The following CNTN6 variants were observed in gnomAD, a reference collection of about 807,000 sequenced individuals.
The protein encoded by CNTN6 is contactin 6.
Under a neutral mutation model 122.8 loss-of-function variants are expected in CNTN6, and 137 were observed. The observed-to-expected ratio is 1.12, with a 90% CI of 0.97 to 1.29. CNTN6 has a LOEUF of 1.29. CNTN6 is among the 50% of genes most tolerant of loss of function. The pLI is 0.00. For synonymous variants in CNTN6, 570 were observed against 426.0 expected (o/e 1.34, Z -4.16); for missense variants, 1,634 against 1,223.4 (o/e 1.34, Z -5.01).
chr3:1,216,592 T>C (rs1295788055), intron 2 of CNTN6, among the ~76,000 whole-genome samples: 1 of 152,182 alleles, frequency 6.6e-6, no homozygotes, highest in African/African-American at 2.4e-5. Context: ...CACTAAAATA[T>C]ATGACATAGC....
rs184379443 is a variant in CNTN6 at position 1,329,912 on chromosome 3, G to A, written c.1341G>A (p.Thr447=). ...CAGCTATCTCTTGGAAAAGAGGAAC[G>A]GAGACCCTTAGACAAAGCAAAAGGT... ...PRAAISWKRG[T]ETLRQSKRIF... The change falls in exon 11 of 23, where the codon ACG becomes ACA. Residue 447 remains threonine (T), a synonymous_variant. Transcript: ENST00000446702. 8.7e-5 allele frequency: 140 copies of A among 1,609,168 alleles called. No individual in the cohort carries two copies. Among genetic ancestry groups the A allele is most frequent in the East Asian group, 1.3e-4 (6 of 44,572 alleles).
intron 11 of CNTN6, among the ~76,000 whole-genome samples, chr3:1,350,249 T>G (rs1489031811): frequency 1.3e-5 from 2 of 151,744 alleles, no homozygotes; most frequent in East Asian, 3.9e-4. Flanking sequence ...AGACCACATT[T>G]TGAGGAGTAA....
chr3:1,298,048 A>G, intron 7 of CNTN6, 57 bp downstream of exon 7: 1 of 1,307,886 alleles, frequency 7.6e-7, no homozygotes, highest in Non-Finnish European at 1.1e-6. Context: ...TTTTTATTAA[A>G]AACCTTTTTG....
At chr3:1,367,811 A>T (rs1708457289) in intron 12 of CNTN6, among the ~76,000 whole-genome samples, 1 of 152,150 alleles carries the variant, frequency 6.6e-6, no homozygotes, top group African/African-American at 2.4e-5. Flanking sequence ...TAATGGTGGT[A>T]GCAGCCATAG....
chr3:1,113,859 CA>C (rs2091594704), intron 1 of CNTN6, among the ~76,000 whole-genome samples: 2 of 964 alleles, frequency 2.1e-3, no homozygotes, highest in African/African-American at 0.034. Context: ...TAAATACTCT[CA>C]CTCACTCAAA....
At chr3:1,339,865 T>G (rs1266778436) in intron 11 of CNTN6, among the ~76,000 whole-genome samples, 1 of 152,170 alleles carries the variant, frequency 6.6e-6, no homozygotes, top group Non-Finnish European at 1.5e-5. Flanking sequence ...AACATATATT[T>G]TAATTCTATC....
chr3:1,339,946 A>G (rs1703643843), intron 11 of CNTN6, among the ~76,000 whole-genome samples: 1 of 152,188 alleles, frequency 6.6e-6, no homozygotes, highest in South Asian at 2.1e-4. Context: ...TCATTATATA[A>G]GAATAATAAT....
At chr3:1,356,162 A>G (rs1706521517) in intron 12 of CNTN6, among the ~76,000 whole-genome samples, 1 of 151,826 alleles carries the variant, frequency 6.6e-6, no homozygotes, top group Non-Finnish European at 1.5e-5. Context: ...ACATAAAAGG[A>G]GAAATTATTT....
At position 1,148,062 on chromosome 3, in the gene CNTN6, A is replaced by G; in HGVS notation, c.54A>G (p.Ala18=). 6.2e-7 allele frequency: 1 copy of G among 1,604,970 alleles called. No individual in the cohort carries two copies. Among genetic ancestry groups the G allele is most frequent in the Non-Finnish European group, 8.5e-7 (1 of 1,172,856 alleles). ...VILLPLINSS[A]GDGLLSRPIF... is the part of the protein sequence containing the mutation. ...TGCTGCCACTCATAAACTCTTCTGC[A>G]GGTAAAGTGTTCTATTATTATAAGT... The change falls in exon 2 of 23, where the codon GCA becomes GCG. Residue 18 remains alanine (A), a splice_region_variant and synonymous_variant. Coordinates refer to ENST00000446702, the MANE Select transcript of CNTN6 (RefSeq NM_001289080.2).
intron 1 of CNTN6, among the ~76,000 whole-genome samples, chr3:1,131,555 A>C (rs1431498178): frequency 6.6e-6 from 1 of 152,122 alleles, no homozygotes; most frequent in Non-Finnish European, 1.5e-5. Context: ...CACTAAACTC[A>C]AGTGAAGTTA....
intron 12 of CNTN6, among the ~76,000 whole-genome samples, chr3:1,367,850 C>T (rs898814470): frequency 2.6e-5 from 4 of 152,062 alleles, no homozygotes; most frequent in Admixed American, 2.6e-4. Flanking sequence ...GCAAAGGCTG[C>T]AGGAAGCGAC....
intron 2 of CNTN6, among the ~76,000 whole-genome samples, chr3:1,153,169 C>T (rs1407812099): frequency 6.6e-6 from 1 of 152,034 alleles, no homozygotes; most frequent in African/African-American, 2.4e-5. Context: ...TTGGTTAGTC[C>T]TGAAGAAGTA....
intron 3 of CNTN6, among the ~76,000 whole-genome samples, chr3:1,222,386 C>T (rs2094218905): frequency 6.6e-6 from 1 of 152,174 alleles, no homozygotes; most frequent in Admixed American, 6.5e-5. Context: ...CTAGGTTGAT[C>T]CTAGGGGTTA....
At chr3:1,311,349 CTTTA>C (rs1284690049) in intron 7 of CNTN6, among the ~76,000 whole-genome samples, 6 of 122,500 alleles carry the variant, frequency 4.9e-5, no homozygotes, top group African/African-American at 1.4e-4. Context: ...TATAAAATGT[CTTTA>C]TATGTACATA....
chr3:1,395,380 G>A (rs944139134), intron 20 of CNTN6, among the ~76,000 whole-genome samples: 1 of 152,114 alleles, frequency 6.6e-6, no homozygotes, highest in African/African-American at 2.4e-5. Context: ...CACTAGCTTT[G>A]GAAGCTCCAA....
At chr3:1,139,798 G>A (rs1286212575) in intron 1 of CNTN6, among the ~76,000 whole-genome samples, 1 of 152,152 alleles carries the variant, frequency 6.6e-6, no homozygotes, top group Non-Finnish European at 1.5e-5. Flanking sequence ...AGCTGGATTG[G>A]TTACAGATTG....
intron 2 of CNTN6, among the ~76,000 whole-genome samples, chr3:1,151,222 A>G (rs912619541): frequency 2.0e-5 from 3 of 152,226 alleles, no homozygotes; most frequent in South Asian, 2.1e-4. Flanking sequence ...GGCAGGGACT[A>G]TATCTTGCTG....
At chr3:1,366,446 T>G (rs1708233172) in intron 12 of CNTN6, among the ~76,000 whole-genome samples, 2 of 152,104 alleles carry the variant, frequency 1.3e-5, no homozygotes, top group Admixed American at 1.3e-4. Context: ...ATATGCACTC[T>G]TAGGAAGTGA....
At chr3:1,388,167 A>T (rs1693413365) in intron 20 of CNTN6, among the ~76,000 whole-genome samples, 2 of 151,572 alleles carry the variant, frequency 1.3e-5, no homozygotes, top group Admixed American at 1.3e-4. Flanking sequence ...TCCCTGTCTG[A>T]CAGCTTTGAA....
Sources: gnomAD v4.1 joint callset for allele counts (sites outside exome capture counted in the v4.1 genomes callset) on GRCh38, gnomAD v4.1.1 for gene constraint, MANE v1.5 for transcripts, NCBI Gene and HGNC (gene_info 2026-07-23, HGNC 2026-07-21) for gene names.